NBEA: variants seen among roughly 807,000 people sequenced by gnomAD.
The protein encoded by NBEA is neurobeachin.
A neutral mutation model predicts 343.4 loss-of-function variants in NBEA; 44 were observed. That is an observed-to-expected ratio of 0.13 (90% CI 0.10 to 0.16). NBEA has a LOEUF of 0.16. Among genes scored for constraint, NBEA ranks in the 10% least tolerant of loss-of-function variants. The probability of loss-of-function intolerance (pLI) is 1.00; values close to 1 mark genes in which losing one functional copy is unlikely to be tolerated. For synonymous variants in NBEA, 1,175 were observed against 1,238.7 expected, an observed-to-expected ratio of 0.95 and a Z score of 1.08; for missense variants, 2,555 against 3,631.3, an observed-to-expected ratio of 0.70 and a Z score of 7.62.
intron 13 of NBEA, among the ~76,000 whole-genome samples, chr13:35,114,129 T>C (rs576049318): frequency 6.6e-6 from 1 of 152,200 alleles, no homozygotes; most frequent in Non-Finnish European, 1.5e-5. Flanking sequence ...TGAGGTGTGC[T>C]TCTTGGTTTT....
intron 31 of NBEA, among the ~76,000 whole-genome samples, chr13:35,207,779 C>T (rs2073494076): frequency 6.6e-6 from 1 of 152,156 alleles, no homozygotes; most frequent in South Asian, 2.1e-4. Context: ...TCTATCATCT[C>T]TGTTCTCTTT....
intron 38 of NBEA, among the ~76,000 whole-genome samples, chr13:35,387,317 G>C (rs552480824): frequency 8.7e-4 from 133 of 152,196 alleles, no homozygotes; most frequent in African/African-American, 3.1e-3. Flanking sequence ...AAGACACATG[G>C]TTCCAGAAGT....
chr13:35,049,697 C>T (rs1410286759), intron 5 of NBEA, among the ~76,000 whole-genome samples: 1 of 151,732 alleles, frequency 6.6e-6, no homozygotes, highest in Non-Finnish European at 1.5e-5. Context: ...AAACATTTTT[C>T]TACATCGTGA....
intron 41 of NBEA, among the ~76,000 whole-genome samples, chr13:35,481,866 C>T (rs1190409008): frequency 1.3e-5 from 2 of 151,762 alleles, no homozygotes; most frequent in African/African-American, 2.4e-5. Context: ...ATTTTTAGTA[C>T]TCTTAATATG....
intron 1 of NBEA, among the ~76,000 whole-genome samples, chr13:34,969,327 A>C (rs1361892965): frequency 2.6e-5 from 4 of 152,010 alleles, no homozygotes; most frequent in Admixed American, 6.6e-5. Context: ...AAAAAAAAAA[A>C]ACTAAAATTT....
chr13:35,441,852 A>G (rs1252783006), intron 39 of NBEA, among the ~76,000 whole-genome samples: 2 of 149,776 alleles, frequency 1.3e-5, no homozygotes, highest in African/African-American at 2.5e-5. Context: ...AAAAAAGAAG[A>G]CACTGAGGTA....
At chr13:35,646,399 G>A (rs1374107791) in intron 51 of NBEA, 51 bp downstream of exon 51, 2 of 1,282,198 alleles carry the variant, frequency 1.6e-6, no homozygotes, top group Non-Finnish European at 2.2e-6. Context: ...TTTTACCTGG[G>A]AATAGAGCAA....
At chr13:35,132,988 A>C (rs901764391) in intron 17 of NBEA, among the ~76,000 whole-genome samples, 2 of 152,196 alleles carry the variant, frequency 1.3e-5, no homozygotes, top group African/African-American at 4.8e-5. Flanking sequence ...CTAAAACAAT[A>C]AATACACATA....
At chr13:35,637,925 G>C (rs1218973719) in intron 49 of NBEA, among the ~76,000 whole-genome samples, 2 of 152,040 alleles carry the variant, frequency 1.3e-5, no homozygotes, top group African/African-American at 4.8e-5. Context: ...TGCATTATTA[G>C]TCAACCTTAA....
chr13:35,348,258 A>C (rs768203089), intron 36 of NBEA, among the ~76,000 whole-genome samples: 27 of 152,274 alleles, frequency 1.8e-4, no homozygotes, highest in Middle Eastern at 3.4e-3. Context: ...TCTATGTGAG[A>C]AAAGCTGGGT....
intron 1 of NBEA, among the ~76,000 whole-genome samples, chr13:35,032,729 T>G (rs1406494910): frequency 6.6e-6 from 1 of 151,812 alleles, no homozygotes; most frequent in Non-Finnish European, 1.5e-5. Context: ...CTCATTGTAG[T>G]TTTGATTTGA....
intron 17 of NBEA, among the ~76,000 whole-genome samples, chr13:35,137,978 A>G (rs541975080): frequency 2.1e-4 from 32 of 152,128 alleles, no homozygotes; most frequent in Non-Finnish European, 3.7e-4. Context: ...AATATTTGTA[A>G]ATGAGTTGAC....
intron 7 of NBEA, among the ~76,000 whole-genome samples, chr13:35,057,456 C>T (rs1012467639): frequency 9.2e-5 from 14 of 151,964 alleles, no homozygotes; most frequent in Non-Finnish European, 1.6e-4. Flanking sequence ...TTTTAAGAGA[C>T]GCAAACAAAA....
chr13:35,565,042 A>G (rs1208426459), intron 44 of NBEA, among the ~76,000 whole-genome samples: 2 of 152,214 alleles, frequency 1.3e-5, no homozygotes, highest in African/African-American at 4.8e-5. Context: ...CAGAGAAGTA[A>G]ACAGCAATGT....
At chr13:35,019,989 T>G (rs1370067692) in intron 1 of NBEA, among the ~76,000 whole-genome samples, 1 of 152,180 alleles carries the variant, frequency 6.6e-6, no homozygotes. Context: ...AGTATTGTTT[T>G]ATTGGGTTTT....
chr13:35,551,846 C>T (rs1483453640), intron 43 of NBEA, among the ~76,000 whole-genome samples: 2 of 152,172 alleles, frequency 1.3e-5, no homozygotes, highest in Non-Finnish European at 2.9e-5. Flanking sequence ...TCTCTTTAAG[C>T]TTCTCTGTTT....
At chr13:35,251,364 G>A (rs1252395434) in intron 34 of NBEA, 3 of 1,027,542 alleles carry the variant, frequency 2.9e-6, no homozygotes, top group Non-Finnish European at 3.5e-6. Context: ...CCTTGGAGAG[G>A]ACTCCAATGA....
chr13:35,638,341 A>G (rs980007558), intron 49 of NBEA, among the ~76,000 whole-genome samples: 1 of 152,188 alleles, frequency 6.6e-6, no homozygotes, highest in East Asian at 1.9e-4. Flanking sequence ...AGGTATAGAC[A>G]TGGTAAAGTG....
chr13:35,196,110 C>A lies in NBEA; in HGVS notation c.5174C>A (p.Thr1725Lys). 1 of 1,613,602 alleles carries A rather than the reference C, an allele frequency of 6.2e-7. No individual in the cohort carries two copies. Among genetic ancestry groups the A allele is most frequent in the Non-Finnish European group, 8.5e-7 (1 of 1,179,724 alleles). Residue 1725 changes from threonine (T) to lysine (K), a missense_variant, in exon 31 of 59, where the codon ACG (threonine) becomes AAG (lysine). By Grantham distance (78) the Thr-to-Lys change is moderately conservative (BLOSUM62 -1). Transcript: ENST00000379939. ...QESLTENPSE[T>K]LKPATSISSI... ...AGCTTAACTGAAAATCCTAGTGAAA[C>A]GTTGAAGCCTGCAACATCCATATCT... is the stretch of plus-strand genomic sequence containing the variant.
Sources: gnomAD v4.1 joint callset for allele counts (sites outside exome capture counted in the v4.1 genomes callset) on GRCh38, gnomAD v4.1.1 for gene constraint, MANE v1.5 for transcripts, NCBI Gene and HGNC (gene_info 2026-07-23, HGNC 2026-07-21) for gene names.